The following CSMD1 variants were observed in gnomAD, a reference collection of about 807,000 sequenced individuals.
CSMD1 encodes CUB and Sushi multiple domains 1.
In CSMD1, 213 loss-of-function variants were observed where a neutral mutation model predicts 417.5. That is an observed-to-expected ratio of 0.51 (90% CI 0.46 to 0.57). The LOEUF (loss-of-function observed/expected upper bound fraction) is 0.57, where lower values mean the gene tolerates loss of function less well. Among genes scored for constraint, CSMD1 ranks in the 20% least tolerant of loss-of-function variants. The pLI is 0.00. For missense variants in CSMD1, 6,923 were observed against 4,529.7 expected, an observed-to-expected ratio of 1.53 and a Z score of -15.17; for synonymous variants, 2,862 against 1,736.8, an observed-to-expected ratio of 1.65 and a Z score of -16.11.
chr8:3,984,241 G>C (rs575058205), intron 5 of CSMD1, among the ~76,000 whole-genome samples: 2 of 140,900 alleles, frequency 1.4e-5, no homozygotes, highest in East Asian at 4.4e-4. Context: ...CCTGCAAAGC[G>C]AGTGGCAAGC....
intron 5 of CSMD1, among the ~76,000 whole-genome samples, chr8:3,834,227 T>G (rs994610995): frequency 2.0e-5 from 3 of 152,180 alleles, no homozygotes; most frequent in African/African-American, 7.2e-5. Context: ...TGTAAAGAAT[T>G]GCTCCTAAGG....
chr8:4,907,395 A>C (rs755641701), intron 1 of CSMD1, among the ~76,000 whole-genome samples: 1 of 152,260 alleles, frequency 6.6e-6, no homozygotes, highest in Non-Finnish European at 1.5e-5. Flanking sequence ...AAATCCCTCA[A>C]GTATGAATTA....
intron 7 of CSMD1, among the ~76,000 whole-genome samples, chr8:3,631,284 G>C (rs1796770921): frequency 6.6e-6 from 1 of 152,174 alleles, no homozygotes; most frequent in Non-Finnish European, 1.5e-5. Context: ...CTATCATGTA[G>C]GCCCATGGTA....
chr8:4,486,137 A>ATATACG (rs1563223536), intron 2 of CSMD1, among the ~76,000 whole-genome samples: 4 of 29,410 alleles, frequency 1.4e-4, no homozygotes, highest in African/African-American at 2.9e-4. Flanking sequence ...ATATATATAT[A>ATATACG]CATACATATA....
chr8:3,358,969 C>G (rs1219731354), intron 21 of CSMD1, among the ~76,000 whole-genome samples, 183 bp downstream of exon 21: 4 of 152,082 alleles, frequency 2.6e-5, no homozygotes, highest in Non-Finnish European at 5.9e-5. Flanking sequence ...TATAGATGAG[C>G]TAATTCAAGC....
At chr8:4,296,967 G>A (rs1234937306) in intron 3 of CSMD1, among the ~76,000 whole-genome samples, 2 of 152,006 alleles carry the variant, frequency 1.3e-5, no homozygotes, top group East Asian at 3.9e-4. Flanking sequence ...AAACCTGTAA[G>A]TCAGATGACA....
intron 5 of CSMD1, among the ~76,000 whole-genome samples, chr8:3,981,316 G>A (rs115228162): frequency 0.012 from 1,763 of 152,146 alleles, 35 homozygotes; most frequent in African/African-American, 0.041. Context: ...GCAAAAGAAT[G>A]ATAACAGCGG....
At chr8:4,453,814 CTTTTTTTT>C (rs60422486) in intron 2 of CSMD1, among the ~76,000 whole-genome samples, 10 of 67,726 alleles carry the variant, frequency 1.5e-4, no homozygotes, top group Admixed American at 9.9e-4. Context: ...CAATTCGTTT[CTTTTTTTT>C]TTTTTTTTTT....
intron 11 of CSMD1, among the ~76,000 whole-genome samples, chr8:3,481,087 C>T (rs753865972): frequency 5.1e-5 from 7 of 138,218 alleles, no homozygotes; most frequent in Non-Finnish European, 9.1e-5. Flanking sequence ...ACCCAGAAGG[C>T]GGAGCTTGCA....
chr8:3,050,555 G>T (rs1811755127), intron 50 of CSMD1, among the ~76,000 whole-genome samples: 1 of 152,110 alleles, frequency 6.6e-6, no homozygotes, highest in Non-Finnish European at 1.5e-5. Flanking sequence ...GAATAGTTCT[G>T]TTTAGGACTG....
chr8:3,345,087 CT>C (rs1412066413), intron 22 of CSMD1, among the ~76,000 whole-genome samples: 1 of 152,184 alleles, frequency 6.6e-6, no homozygotes, highest in African/African-American at 2.4e-5. Context: ...ATGGAATTGT[CT>C]GTAATTGACA....
chr8:4,213,253 C>G (rs950881090), intron 3 of CSMD1, among the ~76,000 whole-genome samples: 1 of 152,172 alleles, frequency 6.6e-6, no homozygotes, highest in Non-Finnish European at 1.5e-5. Context: ...TCCATTCTGT[C>G]AGCAAGTGAG....
intron 7 of CSMD1, among the ~76,000 whole-genome samples, chr8:3,670,959 GATATATGTATATGGGAT>G (rs200130709): frequency 0.014 from 1,688 of 117,138 alleles, 38 homozygotes; most frequent in South Asian, 0.02. Flanking sequence ...ATGTGTATGG[GATATATGTATATGGGAT>G]ATATATGTAT....
At chr8:4,825,614 G>C (rs951577071) in intron 1 of CSMD1, among the ~76,000 whole-genome samples, 2 of 75,830 alleles carry the variant, frequency 2.6e-5, no homozygotes, top group African/African-American at 1.2e-4. Flanking sequence ...AAAAGAAAAA[G>C]AGACATGTGA....
chr8:3,280,785 C>G (rs976054372), intron 26 of CSMD1, among the ~76,000 whole-genome samples: 2 of 904 alleles, frequency 2.2e-3, no homozygotes, highest in Non-Finnish European at 2.2e-3. Flanking sequence ...TTACTAAACA[C>G]TAATAATTAA....
chr8:3,540,447 A>G (rs1373341779), intron 10 of CSMD1, among the ~76,000 whole-genome samples: 1 of 152,262 alleles, frequency 6.6e-6, no homozygotes, highest in African/African-American at 2.4e-5. Flanking sequence ...AAATCAAGGC[A>G]ATACTATTCA....
At chr8:4,452,396 G>A (rs978399445) in intron 2 of CSMD1, among the ~76,000 whole-genome samples, 1 of 152,288 alleles carries the variant, frequency 6.6e-6, no homozygotes, top group Non-Finnish European at 1.5e-5. Context: ...GAGGGCTTGG[G>A]GTTCAGAGGT....
chr8:4,264,520 G>C (rs910697341), intron 3 of CSMD1, among the ~76,000 whole-genome samples: 7 of 152,098 alleles, frequency 4.6e-5, no homozygotes, highest in Non-Finnish European at 1.0e-4. Flanking sequence ...CCCTGAAGCT[G>C]AGAAGCTCCG....
At chr8:4,324,242 C>T (rs576630180) in intron 3 of CSMD1, among the ~76,000 whole-genome samples, 38 of 152,304 alleles carry the variant, frequency 2.5e-4, no homozygotes, top group Non-Finnish European at 4.0e-4. Flanking sequence ...TTTCCCTACA[C>T]CAAGAATGTG....
Sources: gnomAD v4.1 joint callset for allele counts (sites outside exome capture counted in the v4.1 genomes callset) on GRCh38, gnomAD v4.1.1 for gene constraint, MANE v1.5 for transcripts, NCBI Gene and HGNC (gene_info 2026-07-23, HGNC 2026-07-21) for gene names.